The following SLMAP variants were observed in gnomAD, a reference collection of about 807,000 sequenced individuals.
SLMAP encodes the protein sarcolemmal membrane-associated protein.
A neutral mutation model predicts 128.8 loss-of-function variants in SLMAP; 44 were observed. The ratio of observed to expected loss-of-function variants is 0.34; its 90% confidence interval spans 0.27 to 0.44. SLMAP has a LOEUF of 0.44. SLMAP is among the 20% of genes least tolerant of loss of function. The pLI is 1.00. For missense variants in SLMAP, 787 were observed against 985.3 expected (o/e 0.80, Z 2.69); for synonymous variants, 327 against 348.8 (o/e 0.94, Z 0.70).
chr3:57,906,310 C>CTTTTTCTTTTTTTTTTTTTT (rs2096549127), intron 17 of SLMAP, among the ~76,000 whole-genome samples: 2 of 47,028 alleles, frequency 4.3e-5, no homozygotes, highest in Non-Finnish European at 8.5e-5. Context: ...CTTTTTTTTT[C>CTTTTTCTTTTTTTTTTTTTT]TTTTTTTTTT....
At chr3:57,889,830 T>C (rs1157867730) in intron 14 of SLMAP, among the ~76,000 whole-genome samples, 3 of 152,232 alleles carry the variant, frequency 2.0e-5, no homozygotes, top group African/African-American at 7.2e-5. Context: ...GCAAATTGTC[T>C]GCCTGCCCCT....
intron 2 of SLMAP, among the ~76,000 whole-genome samples, chr3:57,774,024 A>C (rs923922310): frequency 7.2e-5 from 11 of 152,170 alleles, no homozygotes; most frequent in African/African-American, 2.4e-4. Context: ...TATGATGAAA[A>C]TATTGTATGT....
chr3:57,775,930 C>T (rs891700068), intron 2 of SLMAP, among the ~76,000 whole-genome samples: 4 of 152,044 alleles, frequency 2.6e-5, no homozygotes, highest in African/African-American at 9.7e-5. Flanking sequence ...AACTCCTAAC[C>T]TCAGGTGATC....
intron 3 of SLMAP, among the ~76,000 whole-genome samples, chr3:57,836,053 T>C (rs530703865): frequency 5.8e-4 from 88 of 152,290 alleles, no homozygotes; most frequent in African/African-American, 1.9e-3. Context: ...GAAAAAATTA[T>C]ATTAATTGCA....
intron 4 of SLMAP, among the ~76,000 whole-genome samples, chr3:57,841,690 A>C (rs1265448556): frequency 1.3e-5 from 2 of 152,098 alleles, no homozygotes; most frequent in African/African-American, 4.8e-5. Context: ...TGATAGCTTC[A>C]TTCCTTTTTA....
chr3:57,870,506 G>A (rs1163055605), intron 13 of SLMAP, among the ~76,000 whole-genome samples: 2 of 152,090 alleles, frequency 1.3e-5, no homozygotes, highest in African/African-American at 4.8e-5. Context: ...GTCTTATACT[G>A]ATGGTGATGA....
At chr3:57,837,545 A>G (rs1361167570) in intron 3 of SLMAP, among the ~76,000 whole-genome samples, 2 of 151,834 alleles carry the variant, frequency 1.3e-5, no homozygotes, top group African/African-American at 4.8e-5. Context: ...ATTTTTTTGT[A>G]TTTTTAGTAG....
chr3:57,799,443 C>T (rs2087639955), intron 2 of SLMAP, among the ~76,000 whole-genome samples: 1 of 152,204 alleles, frequency 6.6e-6, no homozygotes, highest in Non-Finnish European at 1.5e-5. Context: ...AACTCAGTGC[C>T]TCCAAATTCC....
chr3:57,902,386 GTATAATTAA>G (rs1303652347), intron 17 of SLMAP, among the ~76,000 whole-genome samples: 1 of 152,208 alleles, frequency 6.6e-6, no homozygotes. Flanking sequence ...GGATTGATAA[GTATAATTAA>G]AGTTTGTTCA....
intron 10 of SLMAP, among the ~76,000 whole-genome samples, chr3:57,863,492 A>T (rs937202889): frequency 2.0e-5 from 3 of 152,178 alleles, no homozygotes; most frequent in African/African-American, 7.2e-5. Context: ...AGCCTGGGTA[A>T]TTTATAAAGA....
chr3:57,759,063 A>G (rs1425606770), intron 2 of SLMAP, among the ~76,000 whole-genome samples: 1 of 152,224 alleles, frequency 6.6e-6, no homozygotes, highest in East Asian at 1.9e-4. Context: ...TTAAGGAATT[A>G]TTTTGTAAAT....
intron 22 of SLMAP, among the ~76,000 whole-genome samples, chr3:57,921,129 C>A (rs1415231246): frequency 6.6e-6 from 1 of 152,098 alleles, no homozygotes; most frequent in Non-Finnish European, 1.5e-5. Flanking sequence ...GTGTAAGATG[C>A]TGTATCTAGA....
At chr3:57,849,693 G>T in intron 5 of SLMAP, 61 bp from the exon 6 acceptor site, 1 of 870,048 alleles carries the variant, frequency 1.1e-6, no homozygotes, top group Non-Finnish European at 1.9e-6. Flanking sequence ...TCAAGAAATT[G>T]GTTTGTCTTT....
At chr3:57,758,840 A>G (rs1559880534) in intron 2 of SLMAP, among the ~76,000 whole-genome samples, 1 of 152,232 alleles carries the variant, frequency 6.6e-6, no homozygotes, top group Non-Finnish European at 1.5e-5. Flanking sequence ...TCAGGTTTTT[A>G]GCTGAGCTAC....
Position 57,778,844 on chromosome 3 carries a change from C to T in SLMAP, c.198+20995C>T, listed in dbSNP as rs187438513. On this transcript the variant is annotated intron_variant, in intron 2 of 24. Coordinates refer to ENST00000671191, the MANE Select transcript of SLMAP (RefSeq NM_001377540.1). ...AATTGAGTTAAGGCTTTCTTCTCTT[C>T]TAATGAATCATGTAATGTTATAACC... Among the ~76,000 whole-genome samples, 38 of 152,158 alleles carry T rather than the reference C, an allele frequency of 2.5e-4. 1 individual carries two copies. Among genetic ancestry groups the T allele is most frequent in the Admixed American group, 1.2e-3 (18 of 15,264 alleles).
At chr3:57,800,960 T>C (rs1001586669) in intron 2 of SLMAP, 3 of 277,774 alleles carry the variant, frequency 1.1e-5, no homozygotes, top group African/African-American at 4.5e-5. Context: ...GTTCTTGGCA[T>C]ACATATGCAT....
At chr3:57,822,948 G>T (rs1009037068) in intron 2 of SLMAP, among the ~76,000 whole-genome samples, 1 of 152,138 alleles carries the variant, frequency 6.6e-6, no homozygotes, top group Non-Finnish European at 1.5e-5. Flanking sequence ...CAAAGAATAG[G>T]TTGGAAAATT....
chr3:57,853,695 C>T (rs2094587136), intron 6 of SLMAP, among the ~76,000 whole-genome samples: 1 of 151,620 alleles, frequency 6.6e-6, no homozygotes, highest in Non-Finnish European at 1.5e-5. Flanking sequence ...AATCCCAGCA[C>T]TTTGGGAGGC....
chr3:57,898,986 A>C (rs562990328), intron 17 of SLMAP: 1 of 152,330 alleles, frequency 6.6e-6, no homozygotes, highest in Admixed American at 6.5e-5. Flanking sequence ...TAACCACCAT[A>C]ATGAAGACAC....
Sources: gnomAD v4.1 joint callset for allele counts (sites outside exome capture counted in the v4.1 genomes callset) on GRCh38, gnomAD v4.1.1 for gene constraint, MANE v1.5 for transcripts, NCBI Gene and HGNC (gene_info 2026-07-23, HGNC 2026-07-21) for gene names.